Variants in TNS3 observed in about 807,000 individuals in gnomAD.
TNS3 encodes the protein tensin 3.
Under a neutral mutation model 140.9 loss-of-function variants are expected in TNS3, and 45 were observed. That is an observed-to-expected ratio of 0.32 (90% CI 0.25 to 0.41). TNS3 has a LOEUF of 0.41. TNS3 is among the 10% of genes least tolerant of loss of function. The pLI is 1.00. For synonymous variants in TNS3, 815 were observed against 788.4 expected (o/e 1.03, Z -0.56); for missense variants, 1,716 against 1,906.7 (o/e 0.90, Z 1.86).
chr7:47,365,821 G>A lies in TNS3; in HGVS notation c.2281+2544C>T, dbSNP rs898790537. Among the ~76,000 whole-genome samples, 3 of 152,306 alleles carry A rather than the reference G, an allele frequency of 2.0e-5. No homozygotes were observed. The East Asian group carries it at 5.8e-4, about 29-fold the overall frequency. The stretch of plus-strand genomic sequence containing the variant: ...CAAGTAATTTAAAAACAGCCAAACT[G>A]AGGGTGGATAATATGATGTGGCTTT... On this transcript the variant is annotated intron_variant, in intron 17 of 30. Transcript: ENST00000311160.
chr7:47,315,483 A>G (rs1482343201), intron 20 of TNS3, among the ~76,000 whole-genome samples: 1 of 152,226 alleles, frequency 6.6e-6, no homozygotes, highest in Admixed American at 6.5e-5. Flanking sequence ...AGGGTGACAG[A>G]GGGTCACGGG....
chr7:47,465,214 A>G (rs1024169074), intron 4 of TNS3, among the ~76,000 whole-genome samples: 1 of 152,258 alleles, frequency 6.6e-6, no homozygotes, highest in African/African-American at 2.4e-5. Context: ...GTTTTCAGCG[A>G]AACATTTCAT....
intron 13 of TNS3, among the ~76,000 whole-genome samples, chr7:47,409,331 G>T (rs1041962014): frequency 3.4e-5 from 5 of 147,826 alleles, no homozygotes; most frequent in South Asian, 2.1e-4. Flanking sequence ...AGGGGAGAGG[G>T]CCCCGCCTGG....
At chr7:47,386,898 A>G (rs1792107322) in intron 16 of TNS3, among the ~76,000 whole-genome samples, 1 of 152,256 alleles carries the variant, frequency 6.6e-6, no homozygotes, top group African/African-American at 2.4e-5. Context: ...AATCTGTGCT[A>G]TGTTAAAAAA....
At chr7:47,409,414 C>CGGTA (rs2151393902) in intron 13 of TNS3, among the ~76,000 whole-genome samples, 1 of 152,082 alleles carries the variant, frequency 6.6e-6, no homozygotes, top group African/African-American at 2.4e-5. Context: ...TCTTGGTGGG[C>CGGTA]GGTAGGGGGG....
intron 2 of TNS3, among the ~76,000 whole-genome samples, chr7:47,508,662 G>A (rs898488161): frequency 2.0e-5 from 3 of 152,248 alleles, no homozygotes; most frequent in African/African-American, 7.2e-5. Flanking sequence ...TGGCCCCCAT[G>A]CTGGTGTATA....
intron 1 of TNS3, among the ~76,000 whole-genome samples, chr7:47,553,639 G>A (rs891182635): frequency 1.3e-5 from 2 of 152,110 alleles, no homozygotes; most frequent in East Asian, 1.9e-4. Flanking sequence ...AAAGAGATTC[G>A]TTTCAAAATA....
chr7:47,575,992 C>T (rs1800667051), intron 1 of TNS3, among the ~76,000 whole-genome samples: 1 of 152,028 alleles, frequency 6.6e-6, no homozygotes, highest in South Asian at 2.1e-4. Flanking sequence ...TAGCACCTAC[C>T]CAAGACATGG....
At chr7:47,575,822 CAAAAAA>C (rs10553927) in intron 1 of TNS3, among the ~76,000 whole-genome samples, 2 of 68,318 alleles carry the variant, frequency 2.9e-5, no homozygotes, top group African/African-American at 6.0e-5. Flanking sequence ...GACTCTGCCT[CAAAAAA>C]AAAAAAAAAA....
At chr7:47,450,109 C>T (rs114045283) in intron 4 of TNS3, among the ~76,000 whole-genome samples, 4 of 152,298 alleles carry the variant, frequency 2.6e-5, no homozygotes, top group South Asian at 2.1e-4. Flanking sequence ...AAGGAAGAAA[C>T]GAACCACTAA....
chr7:47,290,829 T>C lies in TNS3; in HGVS notation c.3928+1126A>G, dbSNP rs371154132. On this transcript the variant is annotated intron_variant, in intron 27 of 30. Transcript: ENST00000311160. ...CCATACAATCCAGGAATGCGCTCCT[T>C]GGTATCTACGCACAGGAGTTGAAAA... Among the ~76,000 whole-genome samples, 8 of 152,188 alleles carry C rather than the reference T, an allele frequency of 5.3e-5. No individual in the cohort carries two copies. The East Asian group carries it at 1.5e-3, about 29-fold the overall frequency.
intron 9 of TNS3, among the ~76,000 whole-genome samples, chr7:47,424,537 C>T (rs1353539725): frequency 6.6e-6 from 1 of 152,166 alleles, no homozygotes; most frequent in Admixed American, 6.5e-5. Context: ...CAAAACTGTC[C>T]CTTGGCCACC....
chr7:47,564,620 A>G (rs1251725004), intron 1 of TNS3, among the ~76,000 whole-genome samples: 4 of 131,052 alleles, frequency 3.1e-5, no homozygotes, highest in Non-Finnish European at 6.3e-5. Flanking sequence ...TGGGCAACAG[A>G]GCAAGACTCC....
intron 1 of TNS3, chr7:47,579,335 G>A (rs1305831263): frequency 6.6e-6 from 1 of 152,022 alleles, no homozygotes; most frequent in Non-Finnish European, 1.5e-5. Flanking sequence ...TGACCTCCTG[G>A]AGAGCTTCAG....
At chr7:47,373,773 A>AT (rs1791215459) in intron 16 of TNS3, among the ~76,000 whole-genome samples, 1 of 152,234 alleles carries the variant, frequency 6.6e-6, no homozygotes, top group African/African-American at 2.4e-5. Context: ...CCCGGTGAAT[A>AT]TTGAGTGACA....
intron 16 of TNS3, among the ~76,000 whole-genome samples, chr7:47,388,797 G>A (rs1193632261): frequency 6.6e-6 from 1 of 152,008 alleles, no homozygotes; most frequent in Non-Finnish European, 1.5e-5. Flanking sequence ...AACCCGGGAG[G>A]TGGAGGTTGC....
At position 47,389,154 on chromosome 7, in the gene TNS3, A is replaced by AAGAAGAAGAAGAAGAAGAAGAAGCAGC. The variant is rs1340201271; in HGVS notation, c.1024+7645_1024+7646insGCTGCTTCTTCTTCTTCTTCTTCTTCT. Reference sequence around the variant, plus strand: ...GAAGAAGAAGAAGAAGAAGAAGAAGAAGCAGAAGAAGCAGCAGAAGCAGAA... The same window carrying AAGAAGAAGAAGAAGAAGAAGAAGCAGC: ...GAAGAAGAAGAAGAAGAAGAAGAAGAAGAAGAAGAAGAAGAAGAAGAAGCAGCAGCAGAAGAAGCAGCAGAAGCAGAA... On this transcript the variant is annotated intron_variant, in intron 16 of 30. Coordinates refer to ENST00000311160, the MANE Select transcript of TNS3 (RefSeq NM_022748.12). Among the ~76,000 whole-genome samples the AAGAAGAAGAAGAAGAAGAAGAAGCAGC allele has an allele frequency of 6.1e-5, 5 of 82,298 alleles. 2 individuals are homozygous for AAGAAGAAGAAGAAGAAGAAGAAGCAGC. Among genetic ancestry groups the AAGAAGAAGAAGAAGAAGAAGAAGCAGC allele is most frequent in the African/African-American group, 2.1e-4 (5 of 23,750 alleles). 54.0% of individuals were successfully genotyped at this position (82,298 alleles called of 152,430 possible).
At chr7:47,345,792 G>T (rs1209126059) in intron 18 of TNS3, among the ~76,000 whole-genome samples, 1 of 152,222 alleles carries the variant, frequency 6.6e-6, no homozygotes, top group African/African-American at 2.4e-5. Context: ...ACTGGCTGCT[G>T]CTGTCGGGCT....
intron 20 of TNS3, among the ~76,000 whole-genome samples, chr7:47,306,994 A>G (rs541343576): frequency 7.2e-5 from 11 of 152,284 alleles, no homozygotes; most frequent in Admixed American, 5.9e-4. Flanking sequence ...TAAATGTTTA[A>G]TTTTTCATGA....
Sources: gnomAD v4.1 joint callset for allele counts (sites outside exome capture counted in the v4.1 genomes callset) on GRCh38, gnomAD v4.1.1 for gene constraint, MANE v1.5 for transcripts, NCBI Gene and HGNC (gene_info 2026-07-23, HGNC 2026-07-21) for gene names.